Variants in SNTG1 observed in about 807,000 individuals in gnomAD.
SNTG1 encodes the protein syntrophin gamma 1.
In SNTG1, 39 loss-of-function variants were observed where a neutral mutation model predicts 74.7. The ratio of observed to expected loss-of-function variants is 0.52; its 90% CI spans 0.40 to 0.68. The LOEUF is 0.68. Among genes scored for constraint, SNTG1 ranks in the 30% least tolerant of loss-of-function variants. The pLI, the probability that SNTG1 is intolerant of heterozygous loss-of-function variation, is 0.00. For missense variants in SNTG1, 685 were observed against 609.5 expected, an observed-to-expected ratio of 1.12 and a Z score of -1.30; for synonymous variants, 254 against 217.1, an observed-to-expected ratio of 1.17 and a Z score of -1.49.
chr8:50,616,788 C>G lies in SNTG1; in HGVS notation c.849+25871C>G, dbSNP rs2094888014. On this transcript the variant is annotated intron_variant, in intron 13 of 18. Coordinates refer to ENST00000642720, the MANE Select transcript of SNTG1 (RefSeq NM_018967.5). ...TGCAGGAGCATTAACAGACCAGAGG[C>G]AGGATTGTGGCAGATTTACTCCGTA... 4.6e-5 allele frequency among the ~76,000 whole-genome samples: 7 copies of G among 152,158 alleles called. No individual in the cohort carries two copies. In the South Asian group the frequency reaches 1.4e-3, roughly 31 times the overall value.
chr8:50,303,490 G>T (rs188226104), intron 2 of SNTG1, among the ~76,000 whole-genome samples: 439 of 151,650 alleles, frequency 2.9e-3, no homozygotes, highest in Non-Finnish European at 4.9e-3. Flanking sequence ...TTATGATTAG[G>T]CCTCAAATTA....
At chr8:50,366,017 A>G (rs1272771323) in intron 2 of SNTG1, among the ~76,000 whole-genome samples, 2 of 152,162 alleles carry the variant, frequency 1.3e-5, no homozygotes, top group African/African-American at 4.8e-5. Context: ...ATTAATTGGC[A>G]TGCCTATTAT....
At chr8:50,596,923 T>C (rs1563626976) in intron 13 of SNTG1, among the ~76,000 whole-genome samples, 2 of 151,994 alleles carry the variant, frequency 1.3e-5, no homozygotes, top group African/African-American at 4.8e-5. Flanking sequence ...GGTAGTAACA[T>C]TCAAAATCTC....
intron 8 of SNTG1, among the ~76,000 whole-genome samples, chr8:50,470,650 G>A (rs1159923495): frequency 1.3e-5 from 2 of 152,106 alleles, no homozygotes; most frequent in Admixed American, 6.6e-5. Flanking sequence ...AATGTGGTGC[G>A]TCCGGAGTTG....
chr8:50,769,420 A>G (rs1055282917), intron 18 of SNTG1, among the ~76,000 whole-genome samples: 1 of 151,946 alleles, frequency 6.6e-6, no homozygotes, highest in African/African-American at 2.4e-5. Flanking sequence ...TCTGGAAGCA[A>G]TTTCCCAGGA....
intron 2 of SNTG1, among the ~76,000 whole-genome samples, chr8:50,384,810 C>T (rs181619792): frequency 2.5e-4 from 38 of 152,202 alleles, no homozygotes; most frequent in Admixed American, 2.0e-3. Context: ...AGTTCTTTCT[C>T]TTGTAAACTA....
At chr8:50,022,274 G>A (rs927026930) in intron 1 of SNTG1, among the ~76,000 whole-genome samples, 2 of 152,154 alleles carry the variant, frequency 1.3e-5, no homozygotes, top group African/African-American at 2.4e-5. Flanking sequence ...GCCTATAAAT[G>A]CTGTAATAGA....
At chr8:50,662,364 C>T (rs2095228510) in intron 15 of SNTG1, among the ~76,000 whole-genome samples, 1 of 152,090 alleles carries the variant, frequency 6.6e-6, no homozygotes, top group South Asian at 2.1e-4. Flanking sequence ...AAAAATGAAG[C>T]AATAAGGTTT....
rs79656539 is a variant in SNTG1 at position 50,436,152 on chromosome 8, A to G, written c.163-2391A>G. Among the ~76,000 whole-genome samples the G allele has an allele frequency of 2.0e-3, 306 of 152,294 alleles. 8 individuals carry two copies. The East Asian group carries it at 0.056, about 28-fold the overall frequency. ...CTGACTGAAATTTGTATTTTAAGAC[A>G]ACTGATATGGGTTGTCTGGATGACT... On this transcript the variant is annotated intron_variant, in intron 4 of 18. Coordinates refer to ENST00000642720, the MANE Select transcript of SNTG1 (RefSeq NM_018967.5).
intron 9 of SNTG1, among the ~76,000 whole-genome samples, chr8:50,525,553 C>T (rs1423512324): frequency 2.6e-5 from 4 of 151,994 alleles, no homozygotes; most frequent in Admixed American, 2.0e-4. Context: ...CATTTCTTCA[C>T]TTTTCCTAAT....
chr8:50,042,895 C>T (rs977750794), intron 1 of SNTG1, among the ~76,000 whole-genome samples: 13 of 152,104 alleles, frequency 8.5e-5, no homozygotes, highest in African/African-American at 2.7e-4. Context: ...TGGCTCGTTG[C>T]CAATTTTACC....
At position 50,790,459 on chromosome 8, in the gene SNTG1, C is replaced by T. The variant is rs577184690; in HGVS notation, c.1396-2212C>T. 5.3e-5 allele frequency among the ~76,000 whole-genome samples: 8 copies of T among 151,768 alleles called. No homozygotes were observed. The South Asian group carries it at 8.4e-4, about 16-fold the overall frequency. ...AAGTCTGTGACTTGGTGGAAGCTGT[C>T]GGTGGATGGATAGATAGATGTTCAT... On this transcript the variant is annotated intron_variant, in intron 18 of 18. Transcript: ENST00000642720.
In SNTG1 at chr8:49,944,470, C is replaced by T. The variant is rs373608075; in HGVS notation, c.-103+32239C>T. ...GAAATCATCATTCTCAGTAAACTAT[C>T]GCAAGGACAAAAAAACCAAACACTG... On this transcript the variant is annotated intron_variant, in intron 1 of 18. Transcript: ENST00000642720. Among the ~76,000 whole-genome samples, 11 of 149,274 alleles carry T rather than the reference C, an allele frequency of 7.4e-5. No individual in the cohort carries two copies. The South Asian group carries it at 1.5e-3, about 20-fold the overall frequency.
chr8:50,488,722 T>C lies in SNTG1; in HGVS notation c.364-14056T>C, dbSNP rs565912761. On this transcript the variant is annotated intron_variant, in intron 8 of 18. Coordinates refer to ENST00000642720, the MANE Select transcript of SNTG1 (RefSeq NM_018967.5). ...ACAGACGGGTTCCAAGAGCCCAGCATGACACTTGGCCCATAAAAAGTATTC... is the reference window on the plus strand; with the variant it reads ...ACAGACGGGTTCCAAGAGCCCAGCACGACACTTGGCCCATAAAAAGTATTC... Among the ~76,000 whole-genome samples the C allele has an allele frequency of 2.6e-5, 4 of 152,264 alleles. No homozygotes were observed. The South Asian group carries it at 8.3e-4, about 32-fold the overall frequency.
chr8:50,548,616 G>A (rs146380575), intron 11 of SNTG1, among the ~76,000 whole-genome samples: 25 of 129,988 alleles, frequency 1.9e-4, no homozygotes, highest in African/African-American at 8.3e-4. Context: ...CCTTCAAGGA[G>A]CTAGCAGCTT....
chr8:50,509,376 T>G (rs1244306242), intron 9 of SNTG1, among the ~76,000 whole-genome samples: 1 of 152,190 alleles, frequency 6.6e-6, no homozygotes, highest in African/African-American at 2.4e-5. Context: ...TTCTTTTGGC[T>G]TAGGATTGAC....
intron 2 of SNTG1, among the ~76,000 whole-genome samples, chr8:50,315,108 C>T (rs1276740708): frequency 6.7e-6 from 1 of 149,640 alleles, no homozygotes; most frequent in African/African-American, 2.5e-5. Flanking sequence ...AGTCATTTAA[C>T]TCTGTTATAA....
intron 2 of SNTG1, among the ~76,000 whole-genome samples, chr8:50,237,914 C>G (rs1422976061): frequency 6.6e-6 from 1 of 152,074 alleles, no homozygotes; most frequent in African/African-American, 2.4e-5. Context: ...TCTGGCTACT[C>G]ATTACTACTC....
chr8:50,429,546 T>G (rs1184512836), intron 4 of SNTG1, among the ~76,000 whole-genome samples: 1 of 152,120 alleles, frequency 6.6e-6, no homozygotes, highest in Non-Finnish European at 1.5e-5. Context: ...GAAACATACA[T>G]GTAAATAATT....
Sources: allele counts gnomAD v4.1 joint callset (sites outside exome capture counted in the v4.1 genomes callset), GRCh38; gene constraint gnomAD v4.1.1; transcripts MANE v1.5; gene names NCBI Gene and HGNC (gene_info 2026-07-23, HGNC 2026-07-21).